CNTNAP2: variants seen among roughly 807,000 people sequenced by gnomAD.
CNTNAP2 encodes contactin-associated protein-like 2.
Under a neutral mutation model 155.2 loss-of-function variants are expected in CNTNAP2, and 98 were observed. The ratio of observed to expected loss-of-function variants is 0.63; its 90% CI spans 0.54 to 0.75. CNTNAP2 has a LOEUF of 0.75. CNTNAP2 is among the 30% of genes least tolerant of loss of function. CNTNAP2 has a pLI of 0.00. For missense variants in CNTNAP2, 1,727 were observed against 1,688.1 expected (o/e 1.02, Z -0.40); for synonymous variants, 651 against 631.2 (o/e 1.03, Z -0.47).
rs543382822 is a variant in CNTNAP2, at chr7:147,061,996, C to T, written c.550+17942C>T. 1.7e-3 allele frequency among the ~76,000 whole-genome samples: 254 copies of T among 151,274 alleles called. 1 individual carries two copies. The highest frequency in any genetic ancestry group is 3.5e-3 in the Admixed American group (53 of 15,188). ...ACAAAAATTTAGCCAGGCGTGGTGG[C>T]GGGCGCCTGTAGTCCCAGCTACTCA... On this transcript the variant is annotated intron_variant, in intron 4 of 23. Transcript: ENST00000361727.
At chr7:146,164,283 G>A (rs1798278115) in intron 1 of CNTNAP2, among the ~76,000 whole-genome samples, 1 of 152,092 alleles carries the variant, frequency 6.6e-6, no homozygotes, top group South Asian at 2.1e-4. Context: ...AGAATCTTAA[G>A]TATAGGCATT....
chr7:147,216,348 T>G (rs1803269025), intron 8 of CNTNAP2, among the ~76,000 whole-genome samples: 1 of 152,056 alleles, frequency 6.6e-6, no homozygotes, highest in Non-Finnish European at 1.5e-5. Flanking sequence ...CACTTTGAGT[T>G]AATTTTTGTG....
intron 1 of CNTNAP2, among the ~76,000 whole-genome samples, chr7:146,564,856 A>T (rs915893249): frequency 6.6e-6 from 1 of 151,920 alleles, no homozygotes; most frequent in Non-Finnish European, 1.5e-5. Context: ...ATTGAATTTG[A>T]TACTCCTAAG....
At chr7:147,817,322 C>G (rs1406544002) in intron 13 of CNTNAP2, among the ~76,000 whole-genome samples, 2 of 152,082 alleles carry the variant, frequency 1.3e-5, no homozygotes, top group African/African-American at 4.8e-5. Context: ...TTAGTATGCA[C>G]TAGACATGAT....
At chr7:146,330,467 A>G (rs1801167479) in intron 1 of CNTNAP2, among the ~76,000 whole-genome samples, 1 of 152,322 alleles carries the variant, frequency 6.6e-6, no homozygotes, top group Non-Finnish European at 1.5e-5. Flanking sequence ...AATCAATTGT[A>G]TGTATAAAAA....
chr7:148,052,323 A>G (rs1802908808), intron 15 of CNTNAP2, among the ~76,000 whole-genome samples: 1 of 151,496 alleles, frequency 6.6e-6, no homozygotes, highest in Non-Finnish European at 1.5e-5. Context: ...AACTTTTAAA[A>G]ACTAGCAACA....
intron 11 of CNTNAP2, among the ~76,000 whole-genome samples, chr7:147,513,970 A>G (rs903959853): frequency 6.6e-6 from 1 of 152,144 alleles, no homozygotes; most frequent in Non-Finnish European, 1.5e-5. Flanking sequence ...CCACCACCAC[A>G]TGGTCCTTTC....
chr7:146,356,733 T>G (rs1259461669), intron 1 of CNTNAP2, among the ~76,000 whole-genome samples: 1 of 152,192 alleles, frequency 6.6e-6, no homozygotes, highest in Non-Finnish European at 1.5e-5. Flanking sequence ...GAGAAGTGGA[T>G]CATGGTTTCA....
chr7:148,061,920 T>TATAGATAGATAGATAGATAGATAG (rs112163050), intron 15 of CNTNAP2, among the ~76,000 whole-genome samples: 7 of 125,406 alleles, frequency 5.6e-5, no homozygotes, highest in Non-Finnish European at 1.0e-4. Flanking sequence ...GATAAACAGA[T>TATAGATAGATAGATAGATAGATAG]ATAGATAGAT....
chr7:147,644,853 A>G (rs778213345), intron 13 of CNTNAP2, among the ~76,000 whole-genome samples: 3 of 152,172 alleles, frequency 2.0e-5, no homozygotes, highest in Non-Finnish European at 2.9e-5. Context: ...TACACTTTCT[A>G]GTTAAGAATT....
intron 11 of CNTNAP2, among the ~76,000 whole-genome samples, chr7:147,507,818 T>A (rs955949765): frequency 1.3e-5 from 2 of 152,146 alleles, no homozygotes; most frequent in Non-Finnish European, 2.9e-5. Context: ...CCCAAAGTGC[T>A]GAGATTACAG....
At chr7:146,222,426 GAT>G in intron 1 of CNTNAP2, among the ~76,000 whole-genome samples, 1 of 152,274 alleles carries the variant, frequency 6.6e-6, no homozygotes, top group South Asian at 2.1e-4. Context: ...TCAATGGTCA[GAT>G]ATGTTAAAAA....
chr7:147,015,571 C>T (rs1798710760), intron 3 of CNTNAP2, among the ~76,000 whole-genome samples: 4 of 151,946 alleles, frequency 2.6e-5, no homozygotes, highest in Admixed American at 2.6e-4. Context: ...CTTGGAGATG[C>T]TGTGGTAATG....
intron 8 of CNTNAP2, among the ~76,000 whole-genome samples, chr7:147,210,721 T>C (rs533236916): frequency 1.1e-4 from 17 of 152,098 alleles, no homozygotes; most frequent in Admixed American, 9.2e-4. Flanking sequence ...TTGAGGTAAG[T>C]TTTAGCACTA....
chr7:146,356,745 G>A (rs776038207), intron 1 of CNTNAP2, among the ~76,000 whole-genome samples: 63 of 152,152 alleles, frequency 4.1e-4, no homozygotes, highest in Non-Finnish European at 8.2e-4. Flanking sequence ...ATGGTTTCAT[G>A]TAAAATATTG....
rs769190741 is a variant in CNTNAP2 at position 147,395,674 on chromosome 7, C to A, written c.1564C>A (p.Gln522Lys). The change falls in exon 10 of 24, where the codon CAG (glutamine) becomes AAG (lysine). Residue 522 changes from glutamine (Q) to lysine (K), a missense_variant. Transcript: ENST00000361727. ...VLQPSFQGCM[Q>K]LIQVDDQLVN... ...TCAGCCTTCATTCCAAGGATGCATG[C>A]AGCTCATTCAAGTGGACGATCAACT... is the stretch of plus-strand genomic sequence containing the variant. The A allele has an allele frequency of 1.2e-6, 2 of 1,612,550 alleles. No individual in the cohort carries two copies. Among genetic ancestry groups the A allele is most frequent in the South Asian group, 2.2e-5 (2 of 91,064 alleles).
intron 8 of CNTNAP2, among the ~76,000 whole-genome samples, chr7:147,151,797 T>A (rs1299509831): frequency 6.6e-6 from 1 of 152,224 alleles, no homozygotes; most frequent in East Asian, 1.9e-4. Flanking sequence ...ATTTTTTTAA[T>A]GTGTTACTCC....
At chr7:148,116,301 C>A (rs1423256143) in intron 15 of CNTNAP2, among the ~76,000 whole-genome samples, 1 of 152,134 alleles carries the variant, frequency 6.6e-6, no homozygotes, top group Non-Finnish European at 1.5e-5. Flanking sequence ...GCTGAGACAG[C>A]TTCAGAGCCC....
chr7:146,488,589 G>T (rs780406209), intron 1 of CNTNAP2, among the ~76,000 whole-genome samples: 3 of 151,676 alleles, frequency 2.0e-5, no homozygotes, highest in African/African-American at 4.8e-5. Context: ...CTAATGAAAC[G>T]CTCTTAAAAC....
Sources: gnomAD v4.1 joint callset for allele counts (sites outside exome capture counted in the v4.1 genomes callset) on GRCh38, gnomAD v4.1.1 for gene constraint, MANE v1.5 for transcripts, NCBI Gene and HGNC (gene_info 2026-07-23, HGNC 2026-07-21) for gene names.